MACROD2: variants seen among roughly 807,000 people sequenced by gnomAD.
MACROD2 encodes ADP-ribose glycohydrolase MACROD2.
A neutral mutation model predicts 70.4 loss-of-function variants in MACROD2; 36 were observed. That is an observed-to-expected ratio of 0.51 (90% CI 0.39 to 0.68). MACROD2 has a LOEUF of 0.68. Among genes scored for constraint, MACROD2 ranks in the 30% least tolerant of loss-of-function variants. The pLI is 0.00. For missense variants in MACROD2, 496 were observed against 538.4 expected (o/e 0.92, Z 0.78); for synonymous variants, 172 against 178.8 (o/e 0.96, Z 0.30).
chr20:15,409,560 T>C (rs2046049336), intron 6 of MACROD2, among the ~76,000 whole-genome samples: 1 of 152,228 alleles, frequency 6.6e-6, no homozygotes, highest in African/African-American at 2.4e-5. Context: ...AGGTGAGGTT[T>C]CCCCAGAAGC....
intron 8 of MACROD2, among the ~76,000 whole-genome samples, chr20:15,651,141 AAAC>A (rs2049637198): frequency 6.6e-6 from 1 of 152,212 alleles, no homozygotes; most frequent in South Asian, 2.1e-4. Flanking sequence ...CTTCTGAGGC[AAAC>A]AACATTTCTG....
chr20:16,014,829 C>T (rs1601325606), intron 15 of MACROD2, among the ~76,000 whole-genome samples: 1 of 152,244 alleles, frequency 6.6e-6, no homozygotes, highest in East Asian at 1.9e-4. Flanking sequence ...TTTGAAGTTC[C>T]TTGACTTGTG....
chr20:14,227,261 T>C (rs368139854), intron 3 of MACROD2, among the ~76,000 whole-genome samples: 4 of 152,058 alleles, frequency 2.6e-5, no homozygotes, highest in African/African-American at 7.2e-5. Flanking sequence ...GATAAGAGAA[T>C]AAAAGCAGGC....
intron 5 of MACROD2, among the ~76,000 whole-genome samples, chr20:15,161,515 G>A (rs906826580): frequency 6.6e-4 from 100 of 151,852 alleles, no homozygotes; most frequent in African/African-American, 2.3e-3. Flanking sequence ...CATAATATTT[G>A]TACATACTGC....
intron 8 of MACROD2, among the ~76,000 whole-genome samples, chr20:15,649,078 CTT>C (rs2049598410): frequency 8.0e-5 from 7 of 87,858 alleles, no homozygotes; most frequent in Non-Finnish European, 9.1e-5. Context: ...CTCCCCTCCC[CTT>C]CCCTCCCCTT....
Position 14,946,582 on chromosome 20 carries a change from G to A in MACROD2, c.418+261623G>A, listed in dbSNP as rs570865702. 6.6e-5 allele frequency among the ~76,000 whole-genome samples: 10 copies of A among 151,976 alleles called. No individual in the cohort carries two copies. The South Asian group carries it at 2.1e-3, about 32-fold the overall frequency. On this transcript the variant is annotated intron_variant, in intron 5 of 17. Transcript: ENST00000684519. Reference sequence around the variant, plus strand: ...TGATAGCATATAATTTTTGATGCAGGATTTTTTCACTTTATGTTGAGATGT... The same window carrying A: ...TGATAGCATATAATTTTTGATGCAGAATTTTTTCACTTTATGTTGAGATGT...
chr20:14,755,508 T>C (rs1460103181), intron 5 of MACROD2, among the ~76,000 whole-genome samples: 1 of 152,098 alleles, frequency 6.6e-6, no homozygotes, highest in Non-Finnish European at 1.5e-5. Context: ...GCTACGTGAA[T>C]TTTTGATTAA....
intron 5 of MACROD2, among the ~76,000 whole-genome samples, chr20:15,077,027 G>T (rs758646452): frequency 1.3e-5 from 2 of 152,164 alleles, no homozygotes; most frequent in Admixed American, 6.5e-5. Context: ...AGAGACAAAA[G>T]ATTTCAGTCT....
At chr20:15,239,184 A>AT (rs113667803) in intron 6 of MACROD2, among the ~76,000 whole-genome samples, 6,300 of 137,994 alleles carry the variant, frequency 0.046, 245 homozygotes, top group Middle Eastern at 0.085. Flanking sequence ...AAATGTTCAG[A>AT]TTTTTTTTTT....
chr20:14,368,904 A>C (rs1418513628), intron 3 of MACROD2, among the ~76,000 whole-genome samples: 2 of 152,336 alleles, frequency 1.3e-5, no homozygotes. Flanking sequence ...AACTTCTTCA[A>C]CACTTTGCTA....
At chr20:14,191,037 G>A (rs988909082) in intron 3 of MACROD2, among the ~76,000 whole-genome samples, 1 of 151,974 alleles carries the variant, frequency 6.6e-6, no homozygotes, top group Non-Finnish European at 1.5e-5. Context: ...ATAGGAATGA[G>A]CCTCATTTTA....
chr20:15,502,328 A>G (rs557721393), intron 8 of MACROD2, among the ~76,000 whole-genome samples: 4 of 152,286 alleles, frequency 2.6e-5, no homozygotes, highest in Admixed American at 2.0e-4. Context: ...CCTGGAAGAG[A>G]GAATGAGCTC....
intron 6 of MACROD2, among the ~76,000 whole-genome samples, chr20:15,351,448 A>G (rs2078225728): frequency 1.3e-5 from 2 of 152,160 alleles, no homozygotes; most frequent in South Asian, 4.1e-4. Flanking sequence ...CCAGTTGTCT[A>G]CCTCTGTGTG....
At chr20:14,427,488 A>G (rs1416902818) in intron 3 of MACROD2, among the ~76,000 whole-genome samples, 1 of 151,082 alleles carries the variant, frequency 6.6e-6, no homozygotes, top group Non-Finnish European at 1.5e-5. Context: ...AGATCAATAT[A>G]TCTAGTATCA....
chr20:14,580,895 T>C (rs1189444918), intron 4 of MACROD2, among the ~76,000 whole-genome samples: 2 of 152,212 alleles, frequency 1.3e-5, no homozygotes, highest in East Asian at 3.8e-4. Flanking sequence ...TTATTACCAA[T>C]GAATTTATTT....
chr20:14,271,831 G>A (rs936848459), intron 3 of MACROD2, among the ~76,000 whole-genome samples: 11 of 152,142 alleles, frequency 7.2e-5, no homozygotes, highest in African/African-American at 2.7e-4. Context: ...CAAGGCTCGA[G>A]AACTACGTGA....
chr20:15,244,476 T>G (rs1259390001), intron 6 of MACROD2, among the ~76,000 whole-genome samples: 1 of 152,168 alleles, frequency 6.6e-6, no homozygotes, highest in Non-Finnish European at 1.5e-5. Context: ...CTGCCTAGTT[T>G]GGGTCTGGAG....
intron 8 of MACROD2, among the ~76,000 whole-genome samples, chr20:15,732,019 G>A (rs540472456): frequency 7.1e-6 from 1 of 141,294 alleles, no homozygotes; most frequent in Non-Finnish European, 1.5e-5. Flanking sequence ...GCCTCCCAGA[G>A]TGCTGGGATT....
chr20:14,987,993 C>T lies in MACROD2; in HGVS notation c.419-241947C>T, dbSNP rs151248604. ...TCCTCAGCCTGTTTTCAGGAAGTGG[C>T]TTCTGTGTCCTCTGTGCTTGGAAAT... On this transcript the variant is annotated intron_variant, in intron 5 of 17. Transcript: ENST00000684519. 2.6e-3 allele frequency among the ~76,000 whole-genome samples: 400 copies of T among 152,176 alleles called. 2 individuals carry two copies. Among genetic ancestry groups the T allele is most frequent in the Non-Finnish European group, 3.9e-3 (264 of 68,002 alleles).
Sources: gnomAD v4.1 joint callset for allele counts (sites outside exome capture counted in the v4.1 genomes callset) on GRCh38, gnomAD v4.1.1 for gene constraint, MANE v1.5 for transcripts, NCBI Gene and HGNC (gene_info 2026-07-23, HGNC 2026-07-21) for gene names.